Variants in HYDIN observed in about 807,000 individuals in gnomAD.
HYDIN encodes the protein axonemal central pair apparatus protein HYDIN.
Under a neutral mutation model 403.9 loss-of-function variants are expected in HYDIN, and 132 were observed. The observed-to-expected ratio is 0.33, with a 90% CI of 0.28 to 0.38. The LOEUF is 0.38. Among genes scored for constraint, HYDIN ranks in the 10% least tolerant of loss-of-function variants. The pLI, the probability that HYDIN is intolerant of heterozygous loss-of-function variation, is 1.00. For missense variants in HYDIN, 2,827 were observed against 5,009.5 expected (o/e 0.56, Z 13.15); for synonymous variants, 1,202 against 1,891.7 (o/e 0.64, Z 9.46).
At chr16:71,158,879 C>T (rs1464399975) in intron 6 of HYDIN, among the ~76,000 whole-genome samples, 15 of 135,640 alleles carry the variant, frequency 1.1e-4, no homozygotes, top group South Asian at 5.1e-4. Flanking sequence ...TTTGTAGAGA[C>T]GGGGTTTTAC....
At chr16:71,011,365 C>T (rs1430384450) in intron 23 of HYDIN, among the ~76,000 whole-genome samples, 1 of 152,136 alleles carries the variant, frequency 6.6e-6, no homozygotes. Flanking sequence ...ACATCTGATT[C>T]GGCAGCCCAG....
At position 71,074,888 on chromosome 16, in the gene HYDIN, C is replaced by T. The variant is rs377130074; in HGVS notation, c.1738+4997G>A. Among the ~76,000 whole-genome samples, 10 of 148,172 alleles carry T rather than the reference C, an allele frequency of 6.7e-5. No homozygotes were observed. The East Asian group carries it at 1.2e-3, about 18-fold the overall frequency. On this transcript the variant is annotated intron_variant, in intron 13 of 85. Coordinates refer to ENST00000393567, the MANE Select transcript of HYDIN (RefSeq NM_001270974.2). Reference sequence around the variant, plus strand: ...GGGGTCATATAATTGGAAATTAACACAAAATTGCCCCTCGCTTTGGCTGAT... The same window carrying T: ...GGGGTCATATAATTGGAAATTAACATAAAATTGCCCCTCGCTTTGGCTGAT...
In HYDIN at chr16:70,805,903, T is replaced by A. The variant is rs1445872522; in HGVS notation, c.*1677A>T. Among the ~76,000 whole-genome samples, 1 of 152,204 alleles carries A rather than the reference T, an allele frequency of 6.6e-6. No individual in the cohort carries two copies. The highest frequency in any genetic ancestry group is 1.5e-5 in the Non-Finnish European group (1 of 68,032). ...AAAAATTCATACTTTTTAAATGGCA[T>A]GCTGTTCTGAATAACTTGAGGAAAT... On this transcript the variant is annotated 3_prime_UTR_variant, in exon 86 of 86. Coordinates refer to ENST00000393567, the MANE Select transcript of HYDIN (RefSeq NM_001270974.2).
chr16:70,946,673 G>C (rs898307311), intron 41 of HYDIN, among the ~76,000 whole-genome samples: 1 of 152,158 alleles, frequency 6.6e-6, no homozygotes, highest in Non-Finnish European at 1.5e-5. Flanking sequence ...GATGGGGCCA[G>C]GTGCTTACCA....
chr16:70,888,737 A>C (rs2041298198), intron 58 of HYDIN, among the ~76,000 whole-genome samples: 1 of 152,072 alleles, frequency 6.6e-6, no homozygotes, highest in South Asian at 2.1e-4. Flanking sequence ...CTCCGACGCC[A>C]CCCTGGCAAG....
In HYDIN at chr16:70,946,672, A is replaced by C. The variant is rs562714816; in HGVS notation, c.6532-2723T>G. Among the ~76,000 whole-genome samples the C allele has an allele frequency of 8.5e-4, 130 of 152,276 alleles. 1 individual carries two copies. The highest frequency in any genetic ancestry group is 1.2e-3 in the Non-Finnish European group (85 of 68,024). ...GAGGAATGGAGGTTTCGATGGGGCC[A>C]GGTGCTTACCAGAGTTAGTCATCTG... On this transcript the variant is annotated intron_variant, in intron 41 of 85. Coordinates refer to ENST00000393567, the MANE Select transcript of HYDIN (RefSeq NM_001270974.2).
intron 41 of HYDIN, among the ~76,000 whole-genome samples, chr16:70,945,667 C>G (rs1459182738): frequency 6.6e-6 from 1 of 152,098 alleles, no homozygotes; most frequent in East Asian, 1.9e-4. Context: ...GAAGGAGTTG[C>G]TAATGAGGTA....
intron 47 of HYDIN, among the ~76,000 whole-genome samples, chr16:70,917,138 T>A (rs2076865046): frequency 6.6e-6 from 1 of 152,132 alleles, no homozygotes; most frequent in South Asian, 2.1e-4. Context: ...CCCAGGGTGG[T>A]CTCAAACATC....
chr16:70,915,456 C>CGG (rs1368883723), intron 47 of HYDIN, among the ~76,000 whole-genome samples: 1 of 149,206 alleles, frequency 6.7e-6, no homozygotes, highest in Admixed American at 6.7e-5. Context: ...TGGGCTTGTA[C>CGG]GGGGGTTGTC....
At chr16:71,012,706 T>A (rs1327085415) in intron 23 of HYDIN, among the ~76,000 whole-genome samples, 1 of 152,228 alleles carries the variant, frequency 6.6e-6, no homozygotes, top group African/African-American at 2.4e-5. Context: ...TTTTACTAAC[T>A]GTAAGGCTTA....
chr16:71,061,301 T>C (rs1430850725), intron 17 of HYDIN, among the ~76,000 whole-genome samples: 1 of 148,296 alleles, frequency 6.7e-6, no homozygotes, highest in Non-Finnish European at 1.5e-5. Context: ...GCCTTGGTGA[T>C]GCTGTTTTAT....
At chr16:71,002,006 T>C (rs933224703) in intron 23 of HYDIN, among the ~76,000 whole-genome samples, 8 of 152,362 alleles carry the variant, frequency 5.3e-5, no homozygotes, top group Admixed American at 3.9e-4. Context: ...TATCTGTTCT[T>C]CTGTGAAATA....
chr16:71,136,401 C>T (rs1899002239), intron 8 of HYDIN, among the ~76,000 whole-genome samples: 3 of 150,482 alleles, frequency 2.0e-5, no homozygotes, highest in African/African-American at 7.3e-5. Context: ...CTACAAGTAT[C>T]TTTTCACTGA....
chr16:71,207,926 G>A (rs974942213), intron 1 of HYDIN, among the ~76,000 whole-genome samples: 1 of 152,110 alleles, frequency 6.6e-6, no homozygotes, highest in African/African-American at 2.4e-5. Context: ...CATAAAGCAA[G>A]TTTTTAGAGA....
chr16:71,071,335 T>C (rs2082462084), intron 13 of HYDIN, among the ~76,000 whole-genome samples: 1 of 151,894 alleles, frequency 6.6e-6, no homozygotes, highest in Non-Finnish European at 1.5e-5. Context: ...AAGGGGATGC[T>C]GATTTGTTAA....
chr16:71,173,044 A>G (rs2086532202), intron 5 of HYDIN, among the ~76,000 whole-genome samples: 1 of 152,230 alleles, frequency 6.6e-6, no homozygotes, highest in Non-Finnish European at 1.5e-5. Context: ...CAACAGTGAA[A>G]GCGAATGTAG....
intron 45 of HYDIN, among the ~76,000 whole-genome samples, chr16:70,932,610 G>A (rs6499358): frequency 8.5e-5 from 13 of 152,184 alleles, no homozygotes; most frequent in African/African-American, 2.6e-4. Flanking sequence ...GTTGGTTTTC[G>A]TTTGTTTGTT....
chr16:70,866,404 G>C (rs2039755240), intron 66 of HYDIN, 75 bp from the exon 67 acceptor site: 1 of 967,974 alleles, frequency 1.0e-6, no homozygotes, highest in African/African-American at 1.6e-5. Context: ...ATAGAATAGA[G>C]AGACCAGAAA....
intron 35 of HYDIN, among the ~76,000 whole-genome samples, chr16:70,971,255 T>C (rs2078724231): frequency 1.3e-5 from 2 of 152,276 alleles, no homozygotes; most frequent in Non-Finnish European, 2.9e-5. Flanking sequence ...CCCTTGCTCC[T>C]GAGGAGTGAT....
Sources: allele counts gnomAD v4.1 joint callset (sites outside exome capture counted in the v4.1 genomes callset), GRCh38; gene constraint gnomAD v4.1.1; transcripts MANE v1.5; gene names NCBI Gene and HGNC (gene_info 2026-07-23, HGNC 2026-07-21).